Variants in CDH12 observed in about 807,000 individuals in gnomAD.
CDH12 encodes cadherin-12.
A neutral mutation model predicts 74.1 loss-of-function variants in CDH12; 41 were observed. The ratio of observed to expected loss-of-function variants is 0.55; its 90% CI spans 0.43 to 0.72. CDH12 has a LOEUF of 0.72. Among genes scored for constraint, CDH12 ranks in the 30% least tolerant of loss-of-function variants. The pLI, the probability that CDH12 is intolerant of heterozygous loss-of-function variation, is 0.00. For missense variants in CDH12, 945 were observed against 977.2 expected, an observed-to-expected ratio of 0.97 and a Z score of 0.44; for synonymous variants, 399 against 355.0, an observed-to-expected ratio of 1.12 and a Z score of -1.39.
At position 22,727,017 on chromosome 5, in the gene CDH12, T is replaced by C. The variant is rs1744197419; in HGVS notation, c.-523+126041A>G. Among the ~76,000 whole-genome samples, 2 of 151,862 alleles carry C rather than the reference T, an allele frequency of 1.3e-5. 1 individual carries two copies. The highest frequency in any genetic ancestry group is 4.8e-5 in the African/African-American group (2 of 41,426). On this transcript the variant is annotated intron_variant, in intron 1 of 14. Coordinates refer to ENST00000382254, the MANE Select transcript of CDH12 (RefSeq NM_004061.5). ...TTTTCAGATACTATTTAAACAATTA[T>C]TACAATCAGATGAAATGAATTAATG... is the stretch of plus-strand genomic sequence containing the variant.
At chr5:22,395,486 A>G (rs1742415616) in intron 3 of CDH12, among the ~76,000 whole-genome samples, 1 of 152,080 alleles carries the variant, frequency 6.6e-6, no homozygotes, top group Admixed American at 6.6e-5. Flanking sequence ...GAAAACTCAT[A>G]CCCTTTAATA....
chr5:22,098,227 C>G (rs905404728), intron 4 of CDH12, among the ~76,000 whole-genome samples: 33 of 152,294 alleles, frequency 2.2e-4, no homozygotes, highest in African/African-American at 7.5e-4. Flanking sequence ...GCCCCCATTA[C>G]TTCAGTCAAG....
intron 6 of CDH12, among the ~76,000 whole-genome samples, chr5:21,904,973 C>T (rs113265787): frequency 0.012 from 1,822 of 152,238 alleles, 25 homozygotes; most frequent in Middle Eastern, 0.024. Flanking sequence ...ATTTATTAAA[C>T]TGAGGGAAAC....
intron 1 of CDH12, among the ~76,000 whole-genome samples, chr5:22,512,778 C>T (rs115258151): frequency 0.051 from 7,745 of 152,178 alleles, 276 homozygotes; most frequent in Middle Eastern, 0.078. Context: ...CAAAAATAAT[C>T]CCTGCTGGGA....
chr5:22,815,025 T>C (rs1749319100), intron 1 of CDH12, among the ~76,000 whole-genome samples: 1 of 152,190 alleles, frequency 6.6e-6, no homozygotes, highest in Non-Finnish European at 1.5e-5. Flanking sequence ...AAATATTAAC[T>C]GTGCACCCAG....
intron 2 of CDH12, among the ~76,000 whole-genome samples, chr5:22,499,340 A>T (rs1425491641): frequency 6.6e-6 from 1 of 152,204 alleles, no homozygotes; most frequent in African/African-American, 2.4e-5. Flanking sequence ...TTTTAGTTCA[A>T]AGATAAAATG....
chr5:22,643,699 G>GCT (rs929614072), intron 1 of CDH12, among the ~76,000 whole-genome samples: 1 of 135,950 alleles, frequency 7.4e-6, no homozygotes, highest in African/African-American at 2.7e-5. Flanking sequence ...CACAGGCACA[G>GCT]CTCATTTTAT....
chr5:22,605,676 C>T (rs374909192), intron 1 of CDH12, among the ~76,000 whole-genome samples: 2 of 152,234 alleles, frequency 1.3e-5, no homozygotes, highest in African/African-American at 2.4e-5. Context: ...ACAGCTTGTC[C>T]CTTATTCCCC....
chr5:22,010,600 G>A (rs1185505521), intron 5 of CDH12, among the ~76,000 whole-genome samples: 1 of 152,124 alleles, frequency 6.6e-6, no homozygotes, highest in Non-Finnish European at 1.5e-5. Flanking sequence ...TATGCAATCT[G>A]TGAACACTTT....
intron 1 of CDH12, among the ~76,000 whole-genome samples, chr5:22,815,553 T>A (rs1749347007): frequency 6.6e-6 from 1 of 151,948 alleles, no homozygotes; most frequent in South Asian, 2.1e-4. Context: ...GCGGATAACC[T>A]GAGGTCAGGA....
chr5:21,874,852 G>C (rs1056867732), intron 6 of CDH12, among the ~76,000 whole-genome samples: 2 of 152,162 alleles, frequency 1.3e-5, no homozygotes, highest in African/African-American at 4.8e-5. Context: ...AGTGCCTGGG[G>C]TTCCTCCTAA....
At chr5:22,173,876 G>A (rs1749186174) in intron 4 of CDH12, among the ~76,000 whole-genome samples, 3 of 151,850 alleles carry the variant, frequency 2.0e-5, no homozygotes, top group South Asian at 2.1e-4. Flanking sequence ...AAATAGTTGA[G>A]CCTGTAAAAG....
intron 1 of CDH12, among the ~76,000 whole-genome samples, chr5:22,590,889 C>G (rs1736274985): frequency 6.6e-6 from 1 of 152,096 alleles, no homozygotes; most frequent in East Asian, 1.9e-4. Context: ...TCTCTTGACA[C>G]TAAAGCTATG....
rs551090502 is a variant in CDH12 at position 22,389,726 on chromosome 5, C to G, written c.-333+15531G>C. ...GCAGTGGCATGGTCTCAGCTCACTG[C>G]AAGCTCCGCCTCCCGGGTTCACGCC... On this transcript the variant is annotated intron_variant, in intron 3 of 14. Transcript: ENST00000382254. 4.7e-4 allele frequency among the ~76,000 whole-genome samples: 70 copies of G among 150,042 alleles called. 1 individual carries two copies. In the East Asian group the frequency reaches 7.4e-3, roughly 16 times the overall value.
intron 1 of CDH12, among the ~76,000 whole-genome samples, chr5:22,659,457 G>A (rs1740232700): frequency 1.3e-5 from 2 of 152,028 alleles, no homozygotes; most frequent in African/African-American, 4.8e-5. Context: ...AATTTTTCCT[G>A]TTAGATTTGG....
chr5:22,102,990 C>T (rs1420049671), intron 4 of CDH12, among the ~76,000 whole-genome samples: 1 of 152,146 alleles, frequency 6.6e-6, no homozygotes, highest in East Asian at 1.9e-4. Flanking sequence ...CTACACTGAC[C>T]TATATCATTA....
At chr5:21,921,256 T>G (rs1387351254) in intron 6 of CDH12, among the ~76,000 whole-genome samples, 1 of 152,166 alleles carries the variant, frequency 6.6e-6, no homozygotes, top group East Asian at 1.9e-4. Flanking sequence ...TTTTAAGCCT[T>G]AAAATCATAA....
chr5:22,357,992 G>C lies in CDH12; in HGVS notation c.-333+47265C>G, dbSNP rs534417153. 3.5e-4 allele frequency among the ~76,000 whole-genome samples: 53 copies of C among 152,264 alleles called. 1 individual carries two copies. The highest frequency in any genetic ancestry group is 3.4e-3 in the Middle Eastern group (1 of 294). ...CATTAAAAATGAGTTTTGAATATAT[G>C]ATTAATATTGTTAACTCCAGCACAT... On this transcript the variant is annotated intron_variant, in intron 3 of 14. Coordinates refer to ENST00000382254, the MANE Select transcript of CDH12 (RefSeq NM_004061.5).
chr5:22,103,766 C>A (rs1241982251), intron 4 of CDH12, among the ~76,000 whole-genome samples: 1 of 152,158 alleles, frequency 6.6e-6, no homozygotes, highest in Non-Finnish European at 1.5e-5. Context: ...CATTTAATCT[C>A]AGAAAGTTAT....
Sources: gnomAD v4.1 joint callset for allele counts (sites outside exome capture counted in the v4.1 genomes callset) on GRCh38, gnomAD v4.1.1 for gene constraint, MANE v1.5 for transcripts, NCBI Gene and HGNC (gene_info 2026-07-23, HGNC 2026-07-21) for gene names.